The following TAF1B variants were observed in gnomAD, a reference collection of about 807,000 sequenced individuals.
TAF1B encodes the protein TATA box-binding protein-associated factor RNA polymerase I subunit B.
TAF1B carries 61 observed loss-of-function variants against 83.9 expected under a neutral mutation model. The ratio of observed to expected loss-of-function variants is 0.73; its 90% CI spans 0.59 to 0.90. The LOEUF (loss-of-function observed/expected upper bound fraction) is 0.90. Among genes scored for constraint, TAF1B ranks in the 40% least tolerant of loss-of-function variants. The pLI, the probability that TAF1B is intolerant of heterozygous loss-of-function variation, is 0.00. For missense variants in TAF1B, 625 were observed against 677.0 expected (o/e 0.92, Z 0.85); for synonymous variants, 221 against 224.6 (o/e 0.98, Z 0.14).
chr2:9,873,302 A>C (rs1664224241), intron 6 of TAF1B, among the ~76,000 whole-genome samples: 1 of 152,228 alleles, frequency 6.6e-6, no homozygotes, highest in African/African-American at 2.4e-5. Context: ...GCTATGAAGA[A>C]AGGACTTACA....
intron 8 of TAF1B, among the ~76,000 whole-genome samples, chr2:9,892,872 C>A (rs969406247): frequency 1.3e-5 from 2 of 152,092 alleles, no homozygotes; most frequent in Admixed American, 6.5e-5. Flanking sequence ...AATTTACATT[C>A]CCACCACCAA....
chr2:9,907,255 A>T (rs531742802), intron 9 of TAF1B, among the ~76,000 whole-genome samples: 1 of 151,612 alleles, frequency 6.6e-6, no homozygotes, highest in Admixed American at 6.6e-5. Context: ...ATACCTTAGG[A>T]TGTAGATTCT....
chr2:9,870,194 T>G (rs1157830454), intron 6 of TAF1B, among the ~76,000 whole-genome samples: 1 of 152,198 alleles, frequency 6.6e-6, no homozygotes. Flanking sequence ...TTGTTTTAAG[T>G]TGTAGTCCAC....
intron 4 of TAF1B, 68 bp from the exon 5 acceptor site, chr2:9,854,258 T>C: frequency 9.7e-7 from 1 of 1,028,518 alleles, no homozygotes; most frequent in Non-Finnish European, 1.5e-6. Flanking sequence ...AGAGCTGTGG[T>C]GTAGATGTGC....
Position 9,919,588 on chromosome 2 carries a change from C to G in TAF1B, c.1343-10C>G. 1 of 1,602,872 alleles carries G rather than the reference C, an allele frequency of 6.2e-7. No homozygotes were observed. The highest frequency in any genetic ancestry group is 8.5e-7 in the Non-Finnish European group (1 of 1,173,338). ...TTGTTATTTTGTTTCCTTTTTTTCT[C>G]CGGTTCCAGAAATGGTGGTGAATCT... On this transcript the variant is annotated splice_polypyrimidine_tract_variant and intron_variant, in intron 13 of 14. Coordinates refer to ENST00000263663, the MANE Select transcript of TAF1B (RefSeq NM_005680.3).
chr2:9,888,790 GTTTTTTT>G (rs56125595), intron 8 of TAF1B, among the ~76,000 whole-genome samples: 23,962 of 82,156 alleles, frequency 0.29, 3,243 homozygotes, highest in East Asian at 0.44. Flanking sequence ...CTTCTGCTTG[GTTTTTTT>G]TTTTTTTTTT....
chr2:9,890,009 C>T (rs1212443207), intron 8 of TAF1B, among the ~76,000 whole-genome samples: 1 of 145,934 alleles, frequency 6.9e-6, no homozygotes, highest in Non-Finnish European at 1.6e-5. Flanking sequence ...GAGAGGGCCC[C>T]TTTGCAGGTC....
chr2:9,911,461 T>G (rs757845596), intron 10 of TAF1B, 50 bp from the exon 11 acceptor site: 10 of 1,379,074 alleles, frequency 7.3e-6, no homozygotes, highest in Non-Finnish European at 9.9e-7. Flanking sequence ...AATTTATCTT[T>G]CCAAATACAT....
At chr2:9,892,327 A>G (rs1479839920) in intron 8 of TAF1B, among the ~76,000 whole-genome samples, 3 of 152,192 alleles carry the variant, frequency 2.0e-5, no homozygotes, top group South Asian at 2.1e-4. Context: ...AAATTACCCA[A>G]TGATGCATTT....
chr2:9,888,723 T>G (rs1448645034), intron 8 of TAF1B, among the ~76,000 whole-genome samples: 2 of 151,332 alleles, frequency 1.3e-5, no homozygotes, highest in Admixed American at 1.3e-4. Context: ...TTTCTCTTTA[T>G]CACTGGATCT....
chr2:9,876,074 AGAC>A (rs1664314868), intron 7 of TAF1B, 56 bp downstream of exon 7: 1 of 1,479,858 alleles, frequency 6.8e-7, no homozygotes, highest in East Asian at 2.3e-5. Context: ...TGAACTAAGT[AGAC>A]AAACTTCGGA....
intron 5 of TAF1B, among the ~76,000 whole-genome samples, chr2:9,857,373 T>C (rs1663596668): frequency 6.6e-6 from 1 of 152,168 alleles, no homozygotes; most frequent in South Asian, 2.1e-4. Context: ...AGTCTGAAGA[T>C]AGAGCCAACA....
intron 14 of TAF1B, among the ~76,000 whole-genome samples, chr2:9,930,426 C>T (rs1223634464): frequency 6.6e-6 from 1 of 151,656 alleles, no homozygotes; most frequent in African/African-American, 2.4e-5. Flanking sequence ...TTATTTACCC[C>T]ATAGTCATTC....
chr2:9,893,136 A>C (rs1210749406), intron 8 of TAF1B, among the ~76,000 whole-genome samples: 1 of 152,240 alleles, frequency 6.6e-6, no homozygotes, highest in Non-Finnish European at 1.5e-5. Flanking sequence ...GAAAAGTTGC[A>C]AAACTAAGAG....
At chr2:9,915,632 A>T (rs1055180876) in intron 12 of TAF1B, among the ~76,000 whole-genome samples, 16 of 152,178 alleles carry the variant, frequency 1.1e-4, no homozygotes, top group African/African-American at 3.9e-4. Context: ...ACAAAAACTG[A>T]TCATTCCCAG....
At chr2:9,868,232 A>G in intron 5 of TAF1B, 44 bp from the exon 6 acceptor site, 1 of 1,585,898 alleles carries the variant, frequency 6.3e-7, no homozygotes, top group Non-Finnish European at 8.6e-7. Context: ...TTAACTGTTT[A>G]AAACTGTTAC....
chr2:9,913,500 C>A, intron 12 of TAF1B: 1 of 335,526 alleles, frequency 3.0e-6, no homozygotes, highest in Non-Finnish European at 5.4e-6. Flanking sequence ...TGCAGGATAC[C>A]ACAGTATACT....
At position 9,887,604 on chromosome 2, in the gene TAF1B, CCTAT is replaced by C. The variant is rs140822842; in HGVS notation, c.807+4802_807+4805del. On this transcript the variant is annotated intron_variant, in intron 8 of 14. Transcript: ENST00000263663. Reference sequence around the variant, plus strand: ...TCTTTTTCCAATCTTTTATTTTTGACCTATCTGTGTCTTTATATTTAAAGTGTTT... The same window carrying C: ...TCTTTTTCCAATCTTTTATTTTTGACCTGTGTCTTTATATTTAAAGTGTTT... 6.6e-3 allele frequency among the ~76,000 whole-genome samples: 1,009 copies of C among 151,784 alleles called. 15 individuals are homozygous for C. Among genetic ancestry groups the C allele is most frequent in the African/African-American group, 0.022 (929 of 41,374 alleles).
chr2:9,910,359 A>G lies in TAF1B; in HGVS notation c.956-377A>G, dbSNP rs372559759. On this transcript the variant is annotated intron_variant, in intron 9 of 14. Transcript: ENST00000263663. ...GAGGGCTTCCAGTGTGCTAGCCAGG[A>G]TGCCAGCCAGTGCACATACATTGCT... Among the ~76,000 whole-genome samples, 11 of 152,316 alleles carry G rather than the reference A, an allele frequency of 7.2e-5. No homozygotes were observed. The East Asian group carries it at 1.3e-3, about 19-fold the overall frequency.
Sources: gnomAD v4.1 joint callset for allele counts (sites outside exome capture counted in the v4.1 genomes callset) on GRCh38, gnomAD v4.1.1 for gene constraint, MANE v1.5 for transcripts, NCBI Gene and HGNC (gene_info 2026-07-23, HGNC 2026-07-21) for gene names.